TOM1L1: variants seen among roughly 807,000 people sequenced by gnomAD.
TOM1L1 encodes TOM1-like protein 1.
In TOM1L1, 64 loss-of-function variants were observed where a neutral mutation model predicts 63.4. That is an observed-to-expected ratio of 1.01 (90% CI 0.83 to 1.24). The LOEUF (loss-of-function observed/expected upper bound fraction) is 1.24. Ranked by LOEUF, TOM1L1 falls within the 50% of genes most tolerant of loss-of-function variation. The pLI is 0.00. For missense variants in TOM1L1, 536 were observed against 567.0 expected (o/e 0.95, Z 0.55); for synonymous variants, 166 against 194.4 (o/e 0.85, Z 1.22).
At chr17:54,937,399 T>G (rs1469279969) in intron 10 of TOM1L1, 173 bp downstream of exon 10, 1 of 604,728 alleles carries the variant, frequency 1.7e-6, no homozygotes, top group East Asian at 2.8e-5. Flanking sequence ...AAACCCAGTA[T>G]AGCAATGGGA....
intron 1 of TOM1L1, among the ~76,000 whole-genome samples, chr17:54,902,696 C>T (rs554272183): frequency 2.0e-5 from 3 of 152,298 alleles, no homozygotes; most frequent in Non-Finnish European, 4.4e-5. Flanking sequence ...TTCTCCATTT[C>T]CCCCAGAACC....
At chr17:54,913,655 G>C in intron 4 of TOM1L1, 93 bp from the exon 5 acceptor site, 2 of 1,316,100 alleles carry the variant, frequency 1.5e-6, no homozygotes, top group East Asian at 3.3e-5. Flanking sequence ...AATAGTGTGA[G>C]ACTCTGTCTC....
At chr17:54,933,252 G>T (rs752795205) in intron 8 of TOM1L1, among the ~76,000 whole-genome samples, 19 of 152,218 alleles carry the variant, frequency 1.2e-4, no homozygotes, top group Middle Eastern at 3.4e-3. Context: ...ACCATGTCTA[G>T]TTCAGGCCTG....
At chr17:54,927,962 C>A (rs1369819033) in intron 7 of TOM1L1, among the ~76,000 whole-genome samples, 1 of 152,144 alleles carries the variant, frequency 6.6e-6, no homozygotes, top group Non-Finnish European at 1.5e-5. Flanking sequence ...GCTTCAAATT[C>A]ATTTCAAATT....
At chr17:54,950,781 T>G (rs2049212294) in intron 14 of TOM1L1, among the ~76,000 whole-genome samples, 1 of 152,252 alleles carries the variant, frequency 6.6e-6, no homozygotes, top group South Asian at 2.1e-4. Flanking sequence ...TGTTTGTTTT[T>G]GACCTGTGCA....
At position 54,961,139 on chromosome 17, in the gene TOM1L1, A is replaced by C. The variant is rs886251364; in HGVS notation, c.*2-96A>C. 6 of 864,110 alleles carry C rather than the reference A, an allele frequency of 6.9e-6. 2 individuals are homozygous for C. In the South Asian group the frequency reaches 8.8e-5, roughly 13 times the overall value. The allele number at this position is 864,110 out of a possible 1,614,324, so 53.5% of individuals were successfully genotyped here. On this transcript the variant is annotated intron_variant, in intron 15 of 15. Coordinates refer to ENST00000575882, the MANE Select transcript of TOM1L1 (RefSeq NM_005486.3). ...CTTACCTTTCTTCTACTAGACTGTG[A>C]CTCTCCAGCTTCCCAGTAAAGACAA...
chr17:54,903,281 T>A (rs2048356989), intron 1 of TOM1L1, among the ~76,000 whole-genome samples: 1 of 152,264 alleles, frequency 6.6e-6, no homozygotes, highest in African/African-American at 2.4e-5. Context: ...TGTATAACTT[T>A]GGTAATTTCC....
intron 7 of TOM1L1, among the ~76,000 whole-genome samples, chr17:54,919,265 CAAAGT>C (rs1174352602): frequency 6.6e-6 from 1 of 152,046 alleles, no homozygotes; most frequent in Admixed American, 6.6e-5. Context: ...AATTAAATAT[CAAAGT>C]AAACGGATAT....
intron 12 of TOM1L1, among the ~76,000 whole-genome samples, chr17:54,948,169 C>T (rs1020207598): frequency 6.6e-6 from 1 of 152,230 alleles, no homozygotes; most frequent in Admixed American, 6.5e-5. Context: ...AAGTCACCAT[C>T]GGATGGACAT....
intron 4 of TOM1L1, among the ~76,000 whole-genome samples, chr17:54,913,247 TA>T (rs1314206508): frequency 5.9e-5 from 9 of 152,250 alleles, no homozygotes; most frequent in African/African-American, 1.9e-4. Flanking sequence ...AAATCTGATT[TA>T]AAAGATTTTA....
chr17:54,939,174 G>A (rs532768836), intron 11 of TOM1L1, among the ~76,000 whole-genome samples, 154 bp downstream of exon 11: 11 of 152,324 alleles, frequency 7.2e-5, no homozygotes. Flanking sequence ...AGGAGTTTGA[G>A]ACCAGCCTGG....
intron 1 of TOM1L1, among the ~76,000 whole-genome samples, chr17:54,903,224 G>T (rs553548182): frequency 2.0e-5 from 3 of 152,142 alleles, no homozygotes; most frequent in African/African-American, 4.8e-5. Context: ...AACAAACAGT[G>T]GGACCAAACA....
intron 8 of TOM1L1, among the ~76,000 whole-genome samples, chr17:54,930,590 A>G (rs997048650): frequency 3.9e-5 from 6 of 152,194 alleles, no homozygotes; most frequent in Admixed American, 3.9e-4. Context: ...CTGTATCCCC[A>G]GCCCTTTGGG....
At chr17:54,921,346 A>T (rs1320435706) in intron 7 of TOM1L1, among the ~76,000 whole-genome samples, 1 of 152,216 alleles carries the variant, frequency 6.6e-6, no homozygotes, top group Non-Finnish European at 1.5e-5. Flanking sequence ...AAAAATACAA[A>T]TTCTATATAG....
rs1567853246 is a variant in TOM1L1 at position 54,961,228 on chromosome 17, AT to A, written c.*2-3del. 6.6e-7 allele frequency: 1 copy of A among 1,509,412 alleles called. No individual in the cohort carries two copies. The highest frequency in any genetic ancestry group is 2.0e-5 in the Admixed American group (1 of 50,894). The allele number at this position is 1,509,412 out of a possible 1,614,324, so 93.5% of individuals were successfully genotyped here. A position where few individuals can be genotyped will look rare whatever the true frequency, so the allele number is the denominator to read the frequency against. On this transcript the variant is annotated splice_polypyrimidine_tract_variant and splice_region_variant and intron_variant, in intron 15 of 15. Transcript: ENST00000575882. The stretch of plus-strand genomic sequence containing the variant: ...GAATACTGGCCATTTTCTTCTCTTT[AT>A]TTTAGAAGAAAGTGGATGATCAGCT...
chr17:54,945,942 C>T (rs1417197625), intron 11 of TOM1L1, among the ~76,000 whole-genome samples: 1 of 152,078 alleles, frequency 6.6e-6, no homozygotes, highest in African/African-American at 2.4e-5. Context: ...ATTTTGGATT[C>T]TATCTTGGAC....
rs1405553340 is a variant in TOM1L1 at position 54,928,075 on chromosome 17, CACTCTTTAAAGCAAGA to C, written c.721-1995_721-1980del. Among the ~76,000 whole-genome samples, 3 of 152,318 alleles carry C rather than the reference CACTCTTTAAAGCAAGA, an allele frequency of 2.0e-5. No homozygotes were observed. In the East Asian group the frequency reaches 5.8e-4, roughly 29 times the overall value. ...AGCAACAAGAAGACCAATTTCTGTA[CACTCTTTAAAGCAAGA>C]ACAAAGGAAAAGTTCTCATTCATTA... On this transcript the variant is annotated intron_variant, in intron 7 of 15. Coordinates refer to ENST00000575882, the MANE Select transcript of TOM1L1 (RefSeq NM_005486.3).
intron 14 of TOM1L1, among the ~76,000 whole-genome samples, chr17:54,956,285 T>C (rs62073566): frequency 0.017 from 2,607 of 152,100 alleles, 29 homozygotes; most frequent in Middle Eastern, 0.051. Flanking sequence ...GCTGAGACTA[T>C]TGGGGTGTGC....
Position 54,905,497 on chromosome 17 carries a change from A to T in TOM1L1, c.152A>T (p.Asp51Val). ...TGTATTTATTGCTATAGGCCAAAAG[A>T]TGCAGTGAAAGCTTTGAAGAAAAGG... ...IINTTQDGPK[D>V]AVKALKKRIS... Residue 51 changes from aspartate to valine, a missense_variant, in exon 3 of 16, where the codon GAT becomes GTT. Asp to Val is a radical substitution (Grantham distance 152). Coordinates refer to ENST00000575882, the MANE Select transcript of TOM1L1 (RefSeq NM_005486.3). 6.2e-7 allele frequency: 1 copy of T among 1,611,032 alleles called. No homozygotes were observed. The highest frequency in any genetic ancestry group is 8.5e-7 in the Non-Finnish European group (1 of 1,178,478).
Sources: gnomAD v4.1 joint callset for allele counts (sites outside exome capture counted in the v4.1 genomes callset) on GRCh38, gnomAD v4.1.1 for gene constraint, MANE v1.5 for transcripts, NCBI Gene and HGNC (gene_info 2026-07-23, HGNC 2026-07-21) for gene names.